Variants in RBFOX1 observed in about 807,000 individuals in gnomAD.
The protein encoded by RBFOX1 is RNA binding protein fox-1 homolog 1.
A neutral mutation model predicts 57.7 loss-of-function variants in RBFOX1; 8 were observed. That is an observed-to-expected ratio of 0.14 (90% CI 0.08 to 0.25). The LOEUF (loss-of-function observed/expected upper bound fraction) is 0.25. Among genes scored for constraint, RBFOX1 ranks in the 10% least tolerant of loss-of-function variants. The pLI is 1.00. For synonymous variants in RBFOX1, 326 were observed against 222.4 expected (o/e 1.47, Z -4.15); for missense variants, 611 against 548.5 (o/e 1.11, Z -1.14).
At chr16:7,145,528 A>AT (rs80323380) in intron 4 of RBFOX1, among the ~76,000 whole-genome samples, 11,972 of 151,076 alleles carry the variant, frequency 0.079, 1,382 homozygotes, top group African/African-American at 0.26. Context: ...TTGCCATGTG[A>AT]TTTTTTTTTC....
Position 7,518,370 on chromosome 16 carries a change from C to A in RBFOX1, c.251C>A (p.Thr84Asn). The change falls in exon 5 of 16, where the codon ACC (threonine) becomes AAC (asparagine). Residue 84 changes from threonine (T) to asparagine (N), a missense_variant. Transcript: ENST00000550418. ...EQSPADTSAQ[T>N]VSGTATQTDD... Reference sequence around the variant, plus strand: ...AGCCCGGCGGACACGAGCGCTCAGACCGTCTCTGGCACCGCCACAGTAAGT... The same window carrying A: ...AGCCCGGCGGACACGAGCGCTCAGAACGTCTCTGGCACCGCCACAGTAAGT... The A allele has an allele frequency of 6.2e-7, 1 of 1,610,504 alleles. No homozygotes were observed. The highest frequency in any genetic ancestry group is 1.3e-5 in the African/African-American group (1 of 75,012).
chr16:7,494,609 C>T (rs887341807), intron 4 of RBFOX1, among the ~76,000 whole-genome samples: 1 of 152,130 alleles, frequency 6.6e-6, no homozygotes, highest in African/African-American at 2.4e-5. Context: ...TAGAAATAAT[C>T]CTATGAAGGG....
intron 2 of RBFOX1, among the ~76,000 whole-genome samples, chr16:6,512,924 C>A (rs1427471217): frequency 6.6e-6 from 1 of 152,190 alleles, no homozygotes. Flanking sequence ...CATTGGCCTT[C>A]TATCTTTTGC....
intron 4 of RBFOX1, among the ~76,000 whole-genome samples, chr16:7,162,795 C>T (rs548436080): frequency 5.9e-5 from 9 of 152,256 alleles, no homozygotes; most frequent in Non-Finnish European, 1.3e-4. Context: ...CAGCTCTCCT[C>T]CTCCTCCTCT....
intron 4 of RBFOX1, among the ~76,000 whole-genome samples, chr16:7,054,597 A>T (rs1398016831): frequency 6.6e-6 from 1 of 151,726 alleles, no homozygotes; most frequent in East Asian, 1.9e-4. Context: ...TGGAAGGTAA[A>T]TACCTGTCCA....
chr16:6,249,772 C>CT (rs55802545), intron 1 of RBFOX1, among the ~76,000 whole-genome samples: 113,811 of 140,670 alleles, frequency 0.81, 46,068 homozygotes, highest in Non-Finnish European at 0.85. Context: ...CATTTTTTTT[C>CT]TTTTTTTTTT....
chr16:6,865,070 T>C (rs1173669332), intron 3 of RBFOX1, among the ~76,000 whole-genome samples: 1 of 143,234 alleles, frequency 7.0e-6, no homozygotes, highest in Non-Finnish European at 1.5e-5. Flanking sequence ...TGGCGCGATC[T>C]TGGCTCACTG....
chr16:6,804,023 T>TC (rs1321853716), intron 3 of RBFOX1, among the ~76,000 whole-genome samples: 1 of 152,052 alleles, frequency 6.6e-6, no homozygotes, highest in African/African-American at 2.4e-5. Context: ...TTTTTTTTTT[T>TC]CGAGATGGAG....
At position 7,289,424 on chromosome 16, in the gene RBFOX1, C is replaced by G. The variant is rs1047550149; in HGVS notation, c.28-228723C>G. On this transcript the variant is annotated intron_variant, in intron 4 of 15. Coordinates refer to ENST00000550418, the MANE Select transcript of RBFOX1 (RefSeq NM_018723.4). ...ATTACCACCACCATTATCATCATCA[C>G]CATCACCATCATCATTACCATCATC... 6.6e-5 allele frequency among the ~76,000 whole-genome samples: 10 copies of G among 152,250 alleles called. No homozygotes were observed. In the East Asian group the frequency reaches 7.7e-4, roughly 12 times the overall value.
chr16:7,009,820 G>A (rs1291938798), intron 3 of RBFOX1, among the ~76,000 whole-genome samples: 3 of 152,160 alleles, frequency 2.0e-5, no homozygotes, highest in Admixed American at 6.5e-5. Context: ...TAGAGCTAAC[G>A]TGAAAAGTTT....
At chr16:7,269,343 A>G (rs2095260235) in intron 4 of RBFOX1, among the ~76,000 whole-genome samples, 1 of 152,162 alleles carries the variant, frequency 6.6e-6, no homozygotes, top group African/African-American at 2.4e-5. Flanking sequence ...ATATTGAGAA[A>G]CACATACAAA....
At chr16:7,426,395 G>T (rs932729453) in intron 4 of RBFOX1, among the ~76,000 whole-genome samples, 2 of 152,132 alleles carry the variant, frequency 1.3e-5, no homozygotes, top group Non-Finnish European at 2.9e-5. Flanking sequence ...ACAGGCTGCC[G>T]AATTGGGCCT....
chr16:5,808,481 T>C (rs565740176), intron 3 of RBFOX1, among the ~76,000 whole-genome samples: 14 of 152,346 alleles, frequency 9.2e-5, no homozygotes, highest in African/African-American at 3.1e-4. Flanking sequence ...TTGATGGAGA[T>C]GGCATTGAAT....
At chr16:7,275,820 T>C (rs959894954) in intron 4 of RBFOX1, among the ~76,000 whole-genome samples, 1 of 152,220 alleles carries the variant, frequency 6.6e-6, no homozygotes, top group African/African-American at 2.4e-5. Context: ...TTGCCTAGTT[T>C]AGAGGTAGAT....
Position 6,974,336 on chromosome 16 carries a change from C to CTT in RBFOX1, c.-15-77696_-15-77695dup, listed in dbSNP as rs59299498. 9.0e-4 allele frequency among the ~76,000 whole-genome samples: 53 copies of CTT among 58,684 alleles called. 2 individuals are homozygous for CTT. The highest frequency in any genetic ancestry group is 2.9e-3 in the South Asian group (4 of 1,384). The allele number at this position is 58,684 out of a possible 152,430, so 38.5% of individuals were successfully genotyped here. Reference sequence around the variant, plus strand: ...ATATAAATCACATTTTTTTCTTTTTCTTTTTTTTTTTTTTTTTTTTTTTTT... The same window carrying CTT: ...ATATAAATCACATTTTTTTCTTTTTCTTTTTTTTTTTTTTTTTTTTTTTTTTT... On this transcript the variant is annotated intron_variant, in intron 3 of 15. Transcript: ENST00000550418.
Position 6,317,019 on chromosome 16 carries a change from A to C in RBFOX1, c.-102A>C, listed in dbSNP as rs1264910653. ...GGAAACTGGTCAAAGAACTCATGCA[A>C]GTGGAACTTACAGCTTCCTTGATCG... On this transcript the variant is annotated 5_prime_UTR_variant, in exon 2 of 16. Coordinates refer to ENST00000550418, the MANE Select transcript of RBFOX1 (RefSeq NM_018723.4). 2 of 1,535,618 alleles carry C rather than the reference A, an allele frequency of 1.3e-6. No individual in the cohort carries two copies. The highest frequency in any genetic ancestry group is 1.7e-6 in the Non-Finnish European group (2 of 1,146,560).
chr16:5,293,569 C>T (rs1340296765), intron 1 of RBFOX1, among the ~76,000 whole-genome samples: 1 of 152,172 alleles, frequency 6.6e-6, no homozygotes, highest in African/African-American at 2.4e-5. Flanking sequence ...GTAGTAGGCA[C>T]CAATACTTCC....
At chr16:6,748,963 A>C (rs1245921623) in intron 3 of RBFOX1, 1 of 152,200 alleles carries the variant, frequency 6.6e-6, no homozygotes, top group Non-Finnish European at 1.5e-5. Flanking sequence ...TTTGCTAGAA[A>C]GTTCTCTCCT....
intron 12 of RBFOX1, among the ~76,000 whole-genome samples, chr16:7,655,446 TAATGCCTGTCA>T (rs2066070321): frequency 6.6e-6 from 1 of 152,200 alleles, no homozygotes; most frequent in Non-Finnish European, 1.5e-5. Context: ...AAATTCTCCC[TAATGCCTGTCA>T]AATGTATTTG....
Sources: gnomAD v4.1 joint callset for allele counts (sites outside exome capture counted in the v4.1 genomes callset) on GRCh38, gnomAD v4.1.1 for gene constraint, MANE v1.5 for transcripts, NCBI Gene and HGNC (gene_info 2026-07-23, HGNC 2026-07-21) for gene names.